CREB5: variants seen among roughly 807,000 people sequenced by gnomAD.
The protein encoded by CREB5 is cAMP responsive element binding protein 5, also known as cyclic AMP-responsive element-binding protein 5.
CREB5 carries 19 observed loss-of-function variants against 57.1 expected under a neutral mutation model. The observed-to-expected ratio is 0.33, with a 90% confidence interval of 0.23 to 0.49. The LOEUF (loss-of-function observed/expected upper bound fraction) is 0.49, where lower values mean the gene tolerates loss of function less well. Ranked by LOEUF, CREB5 falls within the 20% of genes least tolerant of loss-of-function variation. The pLI, the probability that CREB5 is intolerant of heterozygous loss-of-function variation, is 0.99. For synonymous variants in CREB5, 238 were observed against 238.3 expected (o/e 1.00, Z 0.01); for missense variants, 579 against 671.6 (o/e 0.86, Z 1.52).
rs1333525092 is a variant in CREB5 at position 28,825,247 on chromosome 7, A to G, written c.*5968A>G. ...AAAGGACCCTTCCCAACCAGCAGCC[A>G]GTAGAAAATACAACCTACTCACCTT... On this transcript the variant is annotated 3_prime_UTR_variant, in exon 11 of 11. Transcript: ENST00000357727. 1.3e-5 allele frequency: 2 copies of G among 152,538 alleles called. No homozygotes were observed. The highest frequency in any genetic ancestry group is 2.9e-5 in the Non-Finnish European group (2 of 68,046). 9.4% of individuals were successfully genotyped at this position (152,538 alleles called of 1,614,324 possible).
At chr7:28,561,657 A>G (rs1413396934) in intron 4 of CREB5, among the ~76,000 whole-genome samples, 1 of 152,252 alleles carries the variant, frequency 6.6e-6, no homozygotes, top group East Asian at 1.9e-4. Flanking sequence ...ATCCATTGCT[A>G]TCTACCAAGC....
At chr7:28,724,104 C>A in intron 6 of CREB5, 118 bp from the exon 7 acceptor site, 1 of 823,232 alleles carries the variant, frequency 1.2e-6, no homozygotes, top group South Asian at 1.8e-5. Flanking sequence ...AACCATAGGC[C>A]TTCTCAGGAT....
chr7:28,614,569 A>G (rs1317510794), intron 5 of CREB5, among the ~76,000 whole-genome samples: 2 of 152,076 alleles, frequency 1.3e-5, no homozygotes, highest in East Asian at 3.9e-4. Flanking sequence ...CTCACCCCTA[A>G]TGAGAGCCCC....
intron 5 of CREB5, among the ~76,000 whole-genome samples, chr7:28,575,993 G>A (rs1194768147): frequency 6.6e-6 from 1 of 152,204 alleles, no homozygotes; most frequent in Non-Finnish European, 1.5e-5. Flanking sequence ...ATGGTATTGT[G>A]GTCAGATGAA....
intron 5 of CREB5, among the ~76,000 whole-genome samples, chr7:28,582,090 T>A (rs1469790203): frequency 6.6e-6 from 1 of 152,188 alleles, no homozygotes; most frequent in Non-Finnish European, 1.5e-5. Flanking sequence ...ATAGAAAAAC[T>A]GTTTAGTGGG....
At chr7:28,547,891 C>G (rs1794479223) in intron 4 of CREB5, among the ~76,000 whole-genome samples, 1 of 152,204 alleles carries the variant, frequency 6.6e-6, no homozygotes, top group African/African-American at 2.4e-5. Context: ...GGGTGCTACA[C>G]AGACCTTGCT....
intron 5 of CREB5, among the ~76,000 whole-genome samples, chr7:28,704,480 C>G (rs116364305): frequency 1.7e-3 from 257 of 147,482 alleles, no homozygotes; most frequent in African/African-American, 5.7e-3. Flanking sequence ...GGATCTCTCA[C>G]TTTTTTTTTT....
At chr7:28,748,871 G>A (rs935447245) in intron 7 of CREB5, among the ~76,000 whole-genome samples, 2 of 152,200 alleles carry the variant, frequency 1.3e-5, no homozygotes, top group Admixed American at 1.3e-4. Context: ...AAATCTGAAT[G>A]AAGTTTTTAT....
At chr7:28,619,290 C>G (rs770788311) in intron 5 of CREB5, among the ~76,000 whole-genome samples, 1 of 152,302 alleles carries the variant, frequency 6.6e-6, no homozygotes, top group Middle Eastern at 3.4e-3. Flanking sequence ...TGGCCTATAG[C>G]TTGGATCTGG....
intron 1 of CREB5, among the ~76,000 whole-genome samples, chr7:28,346,578 G>C (rs1204715602): frequency 6.6e-6 from 1 of 152,242 alleles, no homozygotes; most frequent in African/African-American, 2.4e-5. Context: ...CAACTCCATG[G>C]GGAAACTTGA....
intron 1 of CREB5, among the ~76,000 whole-genome samples, chr7:28,304,653 A>G (rs1394984925): frequency 6.6e-6 from 1 of 152,214 alleles, no homozygotes; most frequent in Admixed American, 6.5e-5. Context: ...GTCCATAAAA[A>G]GAGAAGCCAC....
chr7:28,796,371 C>A (rs76444023), intron 7 of CREB5, among the ~76,000 whole-genome samples: 434 of 152,222 alleles, frequency 2.9e-3, no homozygotes, highest in African/African-American at 0.01. Flanking sequence ...TGTTTCATTC[C>A]TTTGTACGGA....
chr7:28,713,019 G>A (rs982211549), intron 5 of CREB5, among the ~76,000 whole-genome samples: 4 of 151,928 alleles, frequency 2.6e-5, no homozygotes, highest in African/African-American at 9.7e-5. Flanking sequence ...CATTTAAGAA[G>A]GTCCAAAAGA....
intron 1 of CREB5, among the ~76,000 whole-genome samples, chr7:28,461,052 C>A (rs1344850736): frequency 6.6e-6 from 1 of 151,266 alleles, no homozygotes; most frequent in Admixed American, 6.6e-5. Context: ...CAAAAAAAAA[C>A]AAAATGAAAT....
intron 1 of CREB5, among the ~76,000 whole-genome samples, chr7:28,406,112 C>T (rs1229220394): frequency 3.9e-5 from 6 of 152,098 alleles, no homozygotes. Flanking sequence ...TAATGTTTGC[C>T]GAATGTTGGA....
In CREB5 at chr7:28,697,809, T is replaced by C. The variant is rs1049728484; in HGVS notation, c.465-20944T>C. ...AGGAATGAGTTAGAAAGGTCTTCAG[T>C]TGATGTATGAGCAGGTGGACACGTG... On this transcript the variant is annotated intron_variant, in intron 5 of 10. Coordinates refer to ENST00000357727, the MANE Select transcript of CREB5 (RefSeq NM_182898.4). Among the ~76,000 whole-genome samples the C allele has an allele frequency of 2.0e-5, 3 of 152,164 alleles. No homozygotes were observed. In the East Asian group the frequency reaches 5.8e-4, roughly 29 times the overall value.
chr7:28,525,803 T>C (rs1793423630), intron 4 of CREB5, among the ~76,000 whole-genome samples: 1 of 152,174 alleles, frequency 6.6e-6, no homozygotes, highest in Admixed American at 6.6e-5. Flanking sequence ...TAGATATCAA[T>C]GGCAGGTCTT....
chr7:28,575,632 C>G (rs887319649), intron 5 of CREB5, among the ~76,000 whole-genome samples: 1 of 152,172 alleles, frequency 6.6e-6, no homozygotes, highest in African/African-American at 2.4e-5. Flanking sequence ...CAGCCCTTAG[C>G]CAGGACAACT....
At chr7:28,536,316 C>T (rs1462406516) in intron 4 of CREB5, among the ~76,000 whole-genome samples, 1 of 152,190 alleles carries the variant, frequency 6.6e-6, no homozygotes, top group African/African-American at 2.4e-5. Context: ...TTCCTGATCC[C>T]CTCTCAGAGT....
Sources: allele counts gnomAD v4.1 joint callset (sites outside exome capture counted in the v4.1 genomes callset), GRCh38; gene constraint gnomAD v4.1.1; transcripts MANE v1.5; gene names NCBI Gene and HGNC (gene_info 2026-07-23, HGNC 2026-07-21).